The following CPPED1 variants were observed in gnomAD, a reference collection of about 807,000 sequenced individuals.
CPPED1 encodes calcineurin like phosphoesterase domain containing 1.
In CPPED1, 28 loss-of-function variants were observed where a neutral mutation model predicts 28.0. The ratio of observed to expected loss-of-function variants is 1.00; its 90% CI spans 0.74 to 1.37. The LOEUF (loss-of-function observed/expected upper bound fraction) is 1.37. Ranked by LOEUF, CPPED1 falls within the 40% of genes most tolerant of loss-of-function variation. The pLI is 0.00. For missense variants in CPPED1, 504 were observed against 416.5 expected (o/e 1.21, Z -1.83); for synonymous variants, 198 against 180.2 (o/e 1.10, Z -0.79).
chr16:12,737,891 C>T (rs544488949), intron 2 of CPPED1, among the ~76,000 whole-genome samples: 3 of 152,284 alleles, frequency 2.0e-5, no homozygotes, highest in African/African-American at 7.2e-5. Flanking sequence ...GGGACCCCTG[C>T]CTGCAAAACC....
intron 2 of CPPED1, among the ~76,000 whole-genome samples, chr16:12,749,741 C>T (rs2080315038): frequency 6.6e-6 from 1 of 152,178 alleles, no homozygotes; most frequent in South Asian, 2.1e-4. Context: ...GCATCCGCCA[C>T]CATACCTGGC....
intron 1 of CPPED1, among the ~76,000 whole-genome samples, chr16:12,798,789 A>T (rs1303163141): frequency 1.3e-5 from 2 of 152,242 alleles, no homozygotes; most frequent in African/African-American, 4.8e-5. Flanking sequence ...TCAAAAGACA[A>T]TTACTAGAAG....
intron 2 of CPPED1, among the ~76,000 whole-genome samples, chr16:12,764,519 T>C (rs2080428326): frequency 6.6e-6 from 1 of 152,110 alleles, no homozygotes; most frequent in Admixed American, 6.6e-5. Flanking sequence ...TTGAATTTTT[T>C]TGTAGAGTTG....
Position 12,664,907 on chromosome 16 carries a change from C to T in CPPED1, c.924G>A (p.Met308Ile). Residue 308 changes from methionine to isoleucine, a missense_variant, in exon 4 of 4, where the codon ATG becomes ATA. Physicochemically the swap from Met to Ile is conservative, Grantham distance 10. Coordinates refer to ENST00000381774, the MANE Select transcript of CPPED1 (RefSeq NM_018340.3). This position sits in a 1 kb window ranked among gnomAD's most constrained non-coding sequence, Gnocchi z 4.2. ...LSEKGIEDDLMDLIKKK is the reference protein window; with the variant it reads ...LSEKGIEDDLIDLIKKK ...AGCGTCATTTTTTCTTGATCAAATC[C>T]ATGAGATCGTCTTCTATTCCTTTCT... The T allele has an allele frequency of 6.2e-7, 1 of 1,605,108 alleles. No individual in the cohort carries two copies. The highest frequency in any genetic ancestry group is 8.5e-7 in the Non-Finnish European group (1 of 1,177,030).
In CPPED1 at chr16:12,711,511, C is replaced by T. The variant is rs544146810; in HGVS notation, c.290-6462G>A. ...GTAACGTTACGTATATTCTGCCATG[C>T]TAAAAGAAAAGAGAAGAAACCACCA... On this transcript the variant is annotated intron_variant, in intron 2 of 3. Transcript: ENST00000381774. Among the ~76,000 whole-genome samples the T allele has an allele frequency of 2.6e-5, 4 of 152,280 alleles. No homozygotes were observed. In the East Asian group the frequency reaches 7.7e-4, roughly 29 times the overall value.
intron 2 of CPPED1, among the ~76,000 whole-genome samples, chr16:12,737,360 G>A (rs902434775): frequency 6.6e-6 from 1 of 152,124 alleles, no homozygotes; most frequent in African/African-American, 2.4e-5. Context: ...GGAACAGTGT[G>A]TAGGAAGAGG....
intron 2 of CPPED1, chr16:12,745,755 T>C (rs1289550688): frequency 6.6e-6 from 1 of 152,242 alleles, no homozygotes; most frequent in Non-Finnish European, 1.5e-5. Context: ...TGTCATAATA[T>C]GTATAGCAAA....
rs1315177895 is a variant in CPPED1, at chr16:12,670,417, C to A, written c.716-5302G>T. Among the ~76,000 whole-genome samples the A allele has an allele frequency of 1.3e-5, 2 of 152,104 alleles. No homozygotes were observed. Among genetic ancestry groups the A allele is most frequent in the Admixed American group, 1.3e-4 (2 of 15,286 alleles). Reference sequence around the variant, plus strand: ...TAACAAATAAATGACACAGACACCCCACCCTCTAGGAAGTAGTGCATCTTT... The same window carrying A: ...TAACAAATAAATGACACAGACACCCAACCCTCTAGGAAGTAGTGCATCTTT... On this transcript the variant is annotated intron_variant, in intron 3 of 3. Transcript: ENST00000381774. The surrounding 1 kb of genome is among the most constrained non-coding windows in gnomAD (Gnocchi z 4.2).
intron 2 of CPPED1, among the ~76,000 whole-genome samples, chr16:12,774,788 T>A (rs1324891580): frequency 6.6e-6 from 1 of 152,022 alleles, no homozygotes; most frequent in Admixed American, 6.6e-5. Flanking sequence ...TGGGTTATCA[T>A]GAGAGTGGGA....
At chr16:12,734,674 T>C (rs2080217982) in intron 2 of CPPED1, among the ~76,000 whole-genome samples, 1 of 152,132 alleles carries the variant, frequency 6.6e-6, no homozygotes. Context: ...TAGCAAATAA[T>C]TTTCCTCTTC....
rs2080071086 is a variant in CPPED1 at position 12,709,913 on chromosome 16, AAGGGAAG to A, written c.290-4871_290-4865del. Among the ~76,000 whole-genome samples, 1 of 20,624 alleles carries A rather than the reference AAGGGAAG, an allele frequency of 4.8e-5. No individual in the cohort carries two copies. The highest frequency in any genetic ancestry group is 5.0e-4 in the African/African-American group (1 of 1,990). The allele number at this position is 20,624 out of a possible 152,430, so 13.5% of individuals were successfully genotyped here. A position where few individuals can be genotyped will look rare whatever the true frequency, so the allele number is the denominator to read the frequency against. ...AAGGAAGGGAAAGACGGGGGGAAGG[AAGGGAAG>A]GAAGGGAAGGAAGGGAAGGAAGGGA... On this transcript the variant is annotated intron_variant, in intron 2 of 3. Coordinates refer to ENST00000381774, the MANE Select transcript of CPPED1 (RefSeq NM_018340.3). The surrounding 1 kb of genome is among the most constrained non-coding windows in gnomAD (Gnocchi z 4.4).
intron 2 of CPPED1, among the ~76,000 whole-genome samples, chr16:12,772,342 T>A (rs2080474813): frequency 6.6e-6 from 1 of 152,176 alleles, no homozygotes; most frequent in Non-Finnish European, 1.5e-5. Flanking sequence ...GTAATTCTAC[T>A]TTACTTCCCC....
intron 3 of CPPED1, among the ~76,000 whole-genome samples, chr16:12,700,397 G>A (rs1468685419): frequency 2.6e-5 from 4 of 152,208 alleles, no homozygotes; most frequent in African/African-American, 7.2e-5. Context: ...CAGAGGCCAC[G>A]TGTTGAACAC....
intron 2 of CPPED1, among the ~76,000 whole-genome samples, chr16:12,744,193 G>A (rs145769650): frequency 1.3e-4 from 19 of 151,686 alleles, no homozygotes; most frequent in Admixed American, 3.9e-4. Flanking sequence ...GGAGAATGGC[G>A]TGAACCCAGG....
At chr16:12,669,650 C>A (rs2141165783) in intron 3 of CPPED1, among the ~76,000 whole-genome samples, 1 of 152,270 alleles carries the variant, frequency 6.6e-6, no homozygotes, top group East Asian at 1.9e-4. Context: ...TATACATAGG[C>A]CAGTACATAG....
chr16:12,724,911 C>T (rs374508261), intron 2 of CPPED1, among the ~76,000 whole-genome samples: 33 of 151,974 alleles, frequency 2.2e-4, no homozygotes, highest in African/African-American at 7.3e-4. Context: ...CTCAGCCTCC[C>T]GAGTAGCTGG....
intron 2 of CPPED1, among the ~76,000 whole-genome samples, chr16:12,766,130 T>C (rs575980944): frequency 2.0e-5 from 3 of 151,950 alleles, no homozygotes; most frequent in African/African-American, 7.3e-5. Context: ...AAGGCGTTCA[T>C]TAGCTCCAGA....
chr16:12,685,278 C>T (rs2079926966), intron 3 of CPPED1, among the ~76,000 whole-genome samples: 1 of 152,076 alleles, frequency 6.6e-6, no homozygotes, highest in Admixed American at 6.6e-5. Context: ...GGTGAAACCC[C>T]ATCTCTACCA....
At chr16:12,801,820 CA>C (rs2080661626) in intron 1 of CPPED1, among the ~76,000 whole-genome samples, 1 of 152,068 alleles carries the variant, frequency 6.6e-6, no homozygotes, top group African/African-American at 2.4e-5. Flanking sequence ...ACGAAACCTA[CA>C]AGGGAGTGTG....
Sources: gnomAD v4.1 joint callset for allele counts (sites outside exome capture counted in the v4.1 genomes callset) on GRCh38, gnomAD v4.1.1 for gene constraint, Gnocchi (gnomAD v3.1) non-coding constraint, MANE v1.5 for transcripts, NCBI Gene and HGNC (gene_info 2026-07-23, HGNC 2026-07-21) for gene names.